OXTR: variants seen among roughly 807,000 people sequenced by gnomAD.
The protein encoded by OXTR is oxytocin receptor.
OXTR carries 19 observed loss-of-function variants against 23.9 expected under a neutral mutation model. The observed-to-expected ratio is 0.80, with a 90% CI of 0.56 to 1.17. The LOEUF is 1.17. Among genes scored for constraint, OXTR ranks in the 50% most tolerant of loss-of-function variants. OXTR has a pLI of 0.00. For missense variants in OXTR, 500 were observed against 550.7 expected, an observed-to-expected ratio of 0.91 and a Z score of 0.92; for synonymous variants, 278 against 250.5, an observed-to-expected ratio of 1.11 and a Z score of -1.04.
chr3:8,742,369 AAAAAAG>A, the OXTR span: 1 of 351,376 alleles, frequency 2.8e-6, no homozygotes, highest in Admixed American at 4.0e-5. Context: ...CCAAAAAAAA[AAAAAAG>A]AAGAAGAAGA....
downstream of OXTR, among the ~76,000 whole-genome samples, chr3:8,749,867 TGGAG>T (rs1708223448): frequency 6.6e-6 from 1 of 152,148 alleles, no homozygotes; most frequent in East Asian, 1.9e-4. Context: ...TACTGCAGCA[TGGAG>T]GAAGAATAAA....
chr3:8,768,832 C>T lies in OXTR; in HGVS notation c.-238-241G>A, dbSNP rs1458388743. On this transcript the variant is annotated intron_variant, in intron 1 of 3. Transcript: ENST00000316793. The surrounding 1 kb of genome is among the most constrained non-coding windows in gnomAD (Gnocchi z 5.4). ...GGGAAACCCCAGCTCTGGTCCTTCC[C>T]CGTCTAACCCCCTTTTCTAAGACGG... is the stretch of plus-strand genomic sequence containing the variant. Among the ~76,000 whole-genome samples, 1 of 152,196 alleles carries T rather than the reference C, an allele frequency of 6.6e-6. No homozygotes were observed. Among genetic ancestry groups the T allele is most frequent in the Non-Finnish European group, 1.5e-5 (1 of 68,036 alleles).
intron 3 of OXTR, among the ~76,000 whole-genome samples, chr3:8,757,805 C>T (rs1315624519): frequency 1.3e-5 from 2 of 152,158 alleles, no homozygotes; most frequent in Non-Finnish European, 2.9e-5. Context: ...CGGCATTTCT[C>T]GGAGGAGGAA....
chr3:8,746,066 C>T (rs1439886038), downstream of OXTR: 7 of 570,026 alleles, frequency 1.2e-5, no homozygotes, highest in Non-Finnish European at 2.2e-5. Flanking sequence ...TCGCTCTCCC[C>T]CAGCCCCACC....
rs369626093 is a variant in OXTR at position 8,767,608 on chromosome 3, G to A, written c.580C>T (p.Pro194Ser). 6.2e-7 allele frequency: 1 copy of A among 1,613,394 alleles called. No individual in the cohort carries two copies. Among genetic ancestry groups the A allele is most frequent in the Non-Finnish European group, 8.5e-7 (1 of 1,179,782 alleles). The change falls in exon 3 of 4, where the codon CCC becomes TCC. Residue 194 changes from proline to serine, a missense_variant. Coordinates refer to ENST00000316793, the MANE Select transcript of OXTR (RefSeq NM_000916.4). ...GTGATGTAGGCCTTGGGTCCCCAGG[G>A]CTGGATGAAGACGGCCCAGCAGTCG... ...VFDCWAVFIQ[P>S]WGPKAYITWI...
At chr3:8,757,824 A>T (rs1174897877) in intron 3 of OXTR, among the ~76,000 whole-genome samples, 1 of 152,184 alleles carries the variant, frequency 6.6e-6, no homozygotes, top group Admixed American at 6.5e-5. Context: ...AAGAGGTCAG[A>T]CGTCCATCCT....
At chr3:8,749,711 G>T (rs998742999), downstream of OXTR, among the ~76,000 whole-genome samples, 14 of 152,184 alleles carry the variant, frequency 9.2e-5, no homozygotes, top group Non-Finnish European at 1.8e-4. Flanking sequence ...ACTATCTTCA[G>T]TCTCCGGGTA....
intron 3 of OXTR, among the ~76,000 whole-genome samples, chr3:8,758,669 T>G (rs1708426669): frequency 6.6e-6 from 1 of 152,184 alleles, no homozygotes; most frequent in Non-Finnish European, 1.5e-5. Context: ...ATCACAGATG[T>G]GTGATCACCC....
intron 3 of OXTR, among the ~76,000 whole-genome samples, chr3:8,754,461 A>C (rs1015930534): frequency 1.3e-5 from 2 of 152,198 alleles, no homozygotes; most frequent in African/African-American, 4.8e-5. Context: ...AGGCTGGGAA[A>C]ATCCACTAGT....
At chr3:8,742,549 T>A in the OXTR span, 5 of 453,088 alleles carry the variant, frequency 1.1e-5, no homozygotes, top group Non-Finnish European at 2.2e-5. Context: ...TGGAGAATAA[T>A]CCGGGATGTC....
At chr3:8,741,743 T>C in the OXTR span, among the ~76,000 whole-genome samples, 1 of 152,142 alleles carries the variant, frequency 6.6e-6, no homozygotes, top group Non-Finnish European at 1.5e-5. Context: ...TGCAGGACTC[T>C]GGGGGAGGTA....
chr3:8,760,293 G>T (rs1203483133), intron 3 of OXTR, among the ~76,000 whole-genome samples: 1 of 152,236 alleles, frequency 6.6e-6, no homozygotes, highest in African/African-American at 2.4e-5. Flanking sequence ...AACTGTGGGT[G>T]TCCCTCCCAG....
the OXTR span, among the ~76,000 whole-genome samples, chr3:8,744,667 G>C: frequency 1.3e-5 from 2 of 152,070 alleles, no homozygotes; most frequent in South Asian, 4.1e-4. Context: ...GGGCTCGAGA[G>C]AGCTTAGGTA....
chr3:8,755,232 G>A (rs1375749768), intron 3 of OXTR, among the ~76,000 whole-genome samples: 1 of 151,764 alleles, frequency 6.6e-6, no homozygotes, highest in East Asian at 1.9e-4. Flanking sequence ...TCGCCCACAA[G>A]ACTAAAACCA....
At chr3:8,741,273 G>A in the OXTR span, among the ~76,000 whole-genome samples, 3 of 152,202 alleles carry the variant, frequency 2.0e-5, no homozygotes, top group Non-Finnish European at 4.4e-5. Context: ...CAGCCGTACA[G>A]TTACAAGCAC....
Position 8,753,014 on chromosome 3 carries a change from G to C in OXTR, c.1133C>G (p.Ser378Cys), listed in dbSNP as rs772232510. ...TGGCTGGGAGCAGCTCCTCTGGCTG[G>C]AGCTGCGATGGCTCAGGACAAAGGA... ...SSSFVLSHRS[S>C]SQRSCSQPST... The change falls in exon 4 of 4, where the codon TCC (serine) becomes TGC (cysteine). Residue 378 changes from serine (S) to cysteine (C), a missense_variant. By Grantham distance (112) the Ser-to-Cys change is moderately radical (BLOSUM62 -1). Coordinates refer to ENST00000316793, the MANE Select transcript of OXTR (RefSeq NM_000916.4). 10 of 1,613,966 alleles carry C rather than the reference G, an allele frequency of 6.2e-6. No individual in the cohort carries two copies. The highest frequency in any genetic ancestry group is 5.0e-5 in the Admixed American group (3 of 60,032).
chr3:8,748,875 G>A (rs1708210135), downstream of OXTR, among the ~76,000 whole-genome samples: 1 of 152,148 alleles, frequency 6.6e-6, no homozygotes, highest in South Asian at 2.1e-4. Flanking sequence ...GAAGACCAAA[G>A]TATGTGTCAG....
At chr3:8,762,100 C>T (rs543086728) in intron 3 of OXTR, among the ~76,000 whole-genome samples, 41 of 152,300 alleles carry the variant, frequency 2.7e-4, no homozygotes, top group African/African-American at 9.6e-4. Flanking sequence ...CACCCAGACA[C>T]GCCAGCCCGG....
rs200966415 is a variant in OXTR, at chr3:8,753,149, G to A, written c.998C>T (p.Thr333Met). 56 of 1,614,158 alleles carry A rather than the reference G, an allele frequency of 3.5e-5. No individual in the cohort carries two copies. Among genetic ancestry groups the A allele is most frequent in the Admixed American group, 8.3e-5 (5 of 60,024 alleles). ...CACGAGTTCGTGGAAGAGGTGGCCC[G>A]TGAACAGCATGTAGATCCAGGGGTT... Reference protein sequence around the residue: ...CCNPWIYMLFTGHLFHELVQR... With the variant: ...CCNPWIYMLFMGHLFHELVQR... The change falls in exon 4 of 4, where the codon ACG (threonine) becomes ATG (methionine). Residue 333 changes from threonine to methionine, a missense_variant. Coordinates refer to ENST00000316793, the MANE Select transcript of OXTR (RefSeq NM_000916.4).
Sources: gnomAD v4.1 joint callset for allele counts (sites outside exome capture counted in the v4.1 genomes callset) on GRCh38, gnomAD v4.1.1 for gene constraint, Gnocchi (gnomAD v3.1) non-coding constraint, MANE v1.5 for transcripts, NCBI Gene and HGNC (gene_info 2026-07-23, HGNC 2026-07-21) for gene names.